The following DHX29 variants were observed in gnomAD, a reference collection of about 807,000 sequenced individuals.
DHX29 encodes ATP-dependent RNA helicase DHX29.
Under a neutral mutation model 167.9 loss-of-function variants are expected in DHX29, and 79 were observed. The observed-to-expected ratio is 0.47, with a 90% CI of 0.39 to 0.57. The LOEUF is 0.57. Ranked by LOEUF, DHX29 falls within the 20% of genes least tolerant of loss-of-function variation. The probability of loss-of-function intolerance (pLI) is 0.00; values close to 1 mark genes in which losing one functional copy is unlikely to be tolerated. For synonymous variants in DHX29, 530 were observed against 546.0 expected, an observed-to-expected ratio of 0.97 and a Z score of 0.41; for missense variants, 1,347 against 1,593.4, an observed-to-expected ratio of 0.85 and a Z score of 2.63.
chr5:55,307,248 C>T, intron 1 of DHX29, 139 bp downstream of exon 1: 1 of 724,786 alleles, frequency 1.4e-6, no homozygotes, highest in Non-Finnish European at 2.2e-6. Flanking sequence ...ACAAGGCCAC[C>T]CCATGGGGAG....
intron 20 of DHX29, 70 bp from the exon 21 acceptor site, chr5:55,269,707 G>A: frequency 7.7e-7 from 1 of 1,301,644 alleles, no homozygotes; most frequent in Non-Finnish European, 1.1e-6. Context: ...AGATGTTAGT[G>A]GAACTAAATT....
chr5:55,282,937 A>G (rs1005467298), intron 11 of DHX29: 2 of 255,222 alleles, frequency 7.8e-6, no homozygotes, highest in Non-Finnish European at 1.5e-5. Flanking sequence ...AGTGTGTAAC[A>G]TATTTGAATA....
chr5:55,307,609 G>A lies in DHX29; in HGVS notation c.-36C>T, dbSNP rs1383320851. The A allele has an allele frequency of 5.0e-6, 8 of 1,609,416 alleles. No individual in the cohort carries two copies. In the East Asian group the frequency reaches 6.7e-5, roughly 13 times the overall value. On this transcript the variant is annotated 5_prime_UTR_variant, in exon 1 of 27. Coordinates refer to ENST00000251636, the MANE Select transcript of DHX29 (RefSeq NM_019030.4). ...TGGCAGAAGATCCTTCGCGGCCCAG[G>A]CCCCGACGGTACCACTGCACAGCCG...
intron 8 of DHX29, among the ~76,000 whole-genome samples, chr5:55,287,938 G>GAAAAAAAAAAAAAA (rs1247600043): frequency 1.2e-5 from 1 of 81,710 alleles, no homozygotes; most frequent in Admixed American, 1.3e-4. Flanking sequence ...TGGAAAAAAA[G>GAAAAAAAAAAAAAA]AAAAAAAAAA....
intron 1 of DHX29, among the ~76,000 whole-genome samples, chr5:55,304,789 T>C (rs1748781316): frequency 6.6e-6 from 1 of 152,206 alleles, no homozygotes. Context: ...AGGACAATTT[T>C]GACCAGCTGT....
intron 11 of DHX29, among the ~76,000 whole-genome samples, chr5:55,281,994 C>T (rs1028572741): frequency 2.6e-5 from 4 of 151,980 alleles, no homozygotes; most frequent in Non-Finnish European, 4.4e-5. Flanking sequence ...CCATGTTGGC[C>T]AGGCTGGCCT....
chr5:55,299,036 CAA>C (rs35986300), intron 1 of DHX29, among the ~76,000 whole-genome samples: 512 of 76,144 alleles, frequency 6.7e-3, no homozygotes, highest in African/African-American at 0.021. Context: ...GACTCCGTCT[CAA>C]AAAAAAAAAA....
intron 16 of DHX29, 108 bp downstream of exon 16, chr5:55,274,506 T>G: frequency 1.3e-6 from 1 of 795,712 alleles, no homozygotes; most frequent in Non-Finnish European, 1.9e-6. Context: ...CCATAGGTAA[T>G]TTTAACCCAT....
At position 55,283,610 on chromosome 5, in the gene DHX29, G is replaced by C; in HGVS notation, c.1558C>G (p.Pro520Ala). 6.2e-7 allele frequency: 1 copy of C among 1,614,046 alleles called. No individual in the cohort carries two copies. Among genetic ancestry groups the C allele is most frequent in the South Asian group, 1.1e-5 (1 of 91,058 alleles). ...ACTAAATTTTCCCAAGATTCCTCGG[G>C]ATCTTCAGAGTTTTCTCTCTTATTT... ...SENKRENSEDPEESWENLVSD... is the reference protein window; with the variant it reads ...SENKRENSEDAEESWENLVSD... Residue 520 changes from proline (P) to alanine (A), a missense_variant, in exon 11 of 27, where the codon CCC becomes GCC. Transcript: ENST00000251636.
At chr5:55,273,677 TTAAA>T (rs1177528878) in intron 16 of DHX29, among the ~76,000 whole-genome samples, 4 of 152,274 alleles carry the variant, frequency 2.6e-5, no homozygotes, top group African/African-American at 7.2e-5. Flanking sequence ...AAACAGCTGA[TTAAA>T]TATATATGGA....
intron 16 of DHX29, 98 bp downstream of exon 16, chr5:55,274,516 T>A: frequency 1.2e-6 from 1 of 852,108 alleles, no homozygotes; most frequent in East Asian, 2.8e-5. Context: ...TTTTAACCCA[T>A]GGTGAAAAGA....
At position 55,307,607 on chromosome 5, in the gene DHX29, A is replaced by G. The variant is rs1748953411; in HGVS notation, c.-34T>C. On this transcript the variant is annotated 5_prime_UTR_variant, in exon 1 of 27. Coordinates refer to ENST00000251636, the MANE Select transcript of DHX29 (RefSeq NM_019030.4). ...TGTGGCAGAAGATCCTTCGCGGCCC[A>G]GGCCCCGACGGTACCACTGCACAGC... 6.2e-7 allele frequency: 1 copy of G among 1,609,994 alleles called. No homozygotes were observed. The highest frequency in any genetic ancestry group is 8.5e-7 in the Non-Finnish European group (1 of 1,179,410).
intron 1 of DHX29, among the ~76,000 whole-genome samples, chr5:55,301,713 CAAAAAA>C (rs70992777): frequency 1.5e-5 from 1 of 64,738 alleles, no homozygotes; most frequent in Non-Finnish European, 3.0e-5. Context: ...AACTCCATCT[CAAAAAA>C]AAAAAAAAAA....
At position 55,290,233 on chromosome 5, in the gene DHX29, T is replaced by G. The variant is rs1040945494; in HGVS notation, c.892A>C (p.Arg298=). ...AAGTGTTTACCTCTTTGAAATTTCC[T>G]TATTTTTTCCTGAGCCTCTTTTTGG... ...QGQKEAQEKI[R]KFQREMETLE... The change falls in exon 7 of 27, where the codon AGG becomes CGG. Residue 298 remains arginine, a synonymous_variant. Coordinates refer to ENST00000251636, the MANE Select transcript of DHX29 (RefSeq NM_019030.4). 1.2e-6 allele frequency: 2 copies of G among 1,608,586 alleles called. No homozygotes were observed. Among genetic ancestry groups the G allele is most frequent in the Non-Finnish European group, 1.7e-6 (2 of 1,179,128 alleles).
chr5:55,294,276 G>A (rs920381311), intron 5 of DHX29, 131 bp from the exon 6 acceptor site: 1 of 862,860 alleles, frequency 1.2e-6, no homozygotes, highest in South Asian at 2.0e-5. Context: ...TTATTGCTCA[G>A]TGAAGGACAA....
intron 9 of DHX29, 85 bp downstream of exon 9, chr5:55,285,611 C>A: frequency 7.1e-7 from 1 of 1,405,676 alleles, no homozygotes; most frequent in Non-Finnish European, 9.5e-7. Flanking sequence ...TGTCTGCTTA[C>A]CTCACAGGGA....
intron 14 of DHX29, among the ~76,000 whole-genome samples, chr5:55,275,966 A>G (rs1747091357): frequency 6.6e-6 from 1 of 152,162 alleles, no homozygotes; most frequent in African/African-American, 2.4e-5. Flanking sequence ...CTCCTCAATA[A>G]CTGATCACTG....
chr5:55,259,397 A>G (rs1214386056), intron 26 of DHX29, among the ~76,000 whole-genome samples: 6 of 152,132 alleles, frequency 3.9e-5, no homozygotes, highest in African/African-American at 1.4e-4. Flanking sequence ...GTGCTTTAGT[A>G]TACTCCAATG....
Position 55,263,950 on chromosome 5 carries a change from A to C in DHX29, c.3526-1018T>G, listed in dbSNP as rs115451654. Among the ~76,000 whole-genome samples the C allele has an allele frequency of 2.5e-3, 375 of 151,650 alleles. 1 individual carries two copies. Among genetic ancestry groups the C allele is most frequent in the African/African-American group, 8.8e-3 (365 of 41,388 alleles). On this transcript the variant is annotated intron_variant, in intron 23 of 26. Transcript: ENST00000251636. ...AAACCTTTTTACTTTTTAAAATATGAGTATATAAAGGGGAATTATGTGAGA... is the reference window on the plus strand; with the variant it reads ...AAACCTTTTTACTTTTTAAAATATGCGTATATAAAGGGGAATTATGTGAGA...
Sources: allele counts gnomAD v4.1 joint callset (sites outside exome capture counted in the v4.1 genomes callset), GRCh38; gene constraint gnomAD v4.1.1; transcripts MANE v1.5; gene names NCBI Gene and HGNC (gene_info 2026-07-23, HGNC 2026-07-21).